The following CHTF18 variants were observed in gnomAD, a reference collection of about 807,000 sequenced individuals.
CHTF18 encodes the protein chromosome transmission fidelity factor 18, also known as chromosome transmission fidelity protein 18 homolog.
In CHTF18, 151 loss-of-function variants were observed where a neutral mutation model predicts 113.4. That is an observed-to-expected ratio of 1.33 (90% CI 1.17 to 1.52). The LOEUF is 1.52. CHTF18 is among the 40% of genes most tolerant of loss of function. The probability of loss-of-function intolerance (pLI) is 0.00; values close to 1 mark genes in which losing one functional copy is unlikely to be tolerated. For synonymous variants in CHTF18, 916 were observed against 598.8 expected, an observed-to-expected ratio of 1.53 and a Z score of -7.74; for missense variants, 1,982 against 1,381.6, an observed-to-expected ratio of 1.43 and a Z score of -6.89.
Position 792,079 on chromosome 16 carries a change from A to G in CHTF18, c.1202+131A>G. 4.6e-6 allele frequency: 7 copies of G among 1,533,496 alleles called. No individual in the cohort carries two copies. In the South Asian group the frequency reaches 8.5e-5, roughly 19 times the overall value. The allele number at this position is 1,533,496 out of a possible 1,614,324, so 95.0% of individuals were successfully genotyped here. A position where few individuals can be genotyped will look rare whatever the true frequency, so the allele number is the denominator to read the frequency against. ...GGGGGCCTGGGTGTGTGGGCCGGGA[A>G]AACGTGTCCTTCCTCGGGGTTCACG... is the stretch of plus-strand genomic sequence containing the variant. On this transcript the variant is annotated intron_variant, in intron 9 of 21. Coordinates refer to ENST00000262315, the MANE Select transcript of CHTF18 (RefSeq NM_022092.3).
In CHTF18 at chr16:797,963, G is replaced by A. The variant is rs199630930; in HGVS notation, c.2916G>A (p.Arg972=). The A allele has an allele frequency of 7.4e-6, 12 of 1,611,732 alleles. No homozygotes were observed. Among genetic ancestry groups the A allele is most frequent in the Non-Finnish European group, 1.0e-5 (12 of 1,179,318 alleles). ...SNAVRRSLYI[R]DLL ...CCGTGCGGCGCAGCCTGTACATCAG[G>A]GACTTGCTCTAGTTCTCTGAGCCGC... The change falls in exon 22 of 22, where the codon AGG becomes AGA. Residue 972 remains arginine (R), a synonymous_variant. Coordinates refer to ENST00000262315, the MANE Select transcript of CHTF18 (RefSeq NM_022092.3).
chr16:792,978 C>T lies in CHTF18; in HGVS notation c.1585C>T (p.Gln529Ter). The T allele has an allele frequency of 6.4e-7, 1 of 1,559,564 alleles. No homozygotes were observed. Among genetic ancestry groups the T allele is most frequent in the Non-Finnish European group, 8.7e-7 (1 of 1,152,460 alleles). Residue 529 changes from glutamine (Q) to a stop codon, truncating the protein, a stop_gained, in exon 13 of 22, where the codon CAG becomes TAG. Coordinates refer to ENST00000262315, the MANE Select transcript of CHTF18 (RefSeq NM_022092.3). LOFTEE classifies it high-confidence loss of function. ...VQRLQEVSLR[Q>*]GMRADPGVLA... The stretch of plus-strand genomic sequence containing the variant: ...CCTTCTCCACCAGGTCTCCCTGCGG[C>T]AGGGCATGAGGGCCGACCCAGGGGT...
intron 1 of CHTF18, 39 bp downstream of exon 1, chr16:788,814 A>G (rs2042069923): frequency 6.4e-7 from 1 of 1,566,952 alleles, no homozygotes; most frequent in Non-Finnish European, 8.6e-7. Context: ...GGAGCTGCGA[A>G]AGCCGGGACA....
In CHTF18 at chr16:792,603, G is replaced by A. The variant is rs760665037; in HGVS notation, c.1478+13G>A. 14 of 1,594,152 alleles carry A rather than the reference G, an allele frequency of 8.8e-6. No homozygotes were observed. The highest frequency in any genetic ancestry group is 1.7e-4 in the Middle Eastern group (1 of 5,992). On this transcript the variant is annotated intron_variant, in intron 11 of 21. Transcript: ENST00000262315. ...TTTGCAATGACCAGTGAGTGCATGG[G>A]CGGGCGCCACAGTCAGGAGAGGCTC...
intron 7 of CHTF18, 54 bp downstream of exon 7, chr16:790,720 A>G: frequency 6.8e-7 from 1 of 1,476,752 alleles, no homozygotes; most frequent in African/African-American, 1.4e-5. Flanking sequence ...CCCAAGATGG[A>G]AGAACCTGGG....
Position 790,533 on chromosome 16 carries a change from C to A in CHTF18, c.761C>A (p.Ser254Ter). 1.9e-6 allele frequency: 3 copies of A among 1,599,646 alleles called. No homozygotes were observed. The highest frequency in any genetic ancestry group is 2.6e-6 in the Non-Finnish European group (3 of 1,174,104). The change falls in exon 7 of 22, where the codon TCG (serine) becomes TAG (stop). Residue 254 changes from serine to a stop codon, truncating the protein, a stop_gained. Transcript: ENST00000262315. LOFTEE classifies it high-confidence loss of function. ...GACGTGGTCCTCTCCAGTCTCAGGT[C>A]GGGGGAGGAGGAGGCAGCCCAGCCC... is the stretch of plus-strand genomic sequence containing the variant. The part of the protein sequence containing the change: ...KLSDTLHSLR[S>*]GEEEAAQPLG...
At position 793,237 on chromosome 16, in the gene CHTF18, G is replaced by C. The variant is rs748026472; in HGVS notation, c.1765G>C (p.Val589Leu). 2 of 1,608,694 alleles carry C rather than the reference G, an allele frequency of 1.2e-6. No individual in the cohort carries two copies. The highest frequency in any genetic ancestry group is 4.5e-5 in the East Asian group (2 of 44,798). The change falls in exon 14 of 22, where the codon GTG becomes CTG. Residue 589 changes from valine to leucine, a missense_variant. Physicochemically the swap from Val to Leu is conservative, Grantham distance 32. Coordinates refer to ENST00000262315, the MANE Select transcript of CHTF18 (RefSeq NM_022092.3). ...GGACCAGCGCAGAGGGCTCTTCTCG[G>C]TGTGGCAGGAGGTCTTCCAGCTGCC... ...LKDQRRGLFS[V>L]WQEVFQLPRA... is the part of the protein sequence containing the mutation.
chr16:789,194 C>T lies in CHTF18; in HGVS notation c.287-16C>T, dbSNP rs764782544. 8.4e-6 allele frequency: 13 copies of T among 1,550,568 alleles called. No individual in the cohort carries two copies. The highest frequency in any genetic ancestry group is 1.0e-5 in the Non-Finnish European group (12 of 1,147,130). On this transcript the variant is annotated splice_polypyrimidine_tract_variant and intron_variant, in intron 2 of 21. Coordinates refer to ENST00000262315, the MANE Select transcript of CHTF18 (RefSeq NM_022092.3). ...GGCTGAGGAGGCCTCTGGTTCCCTG[C>T]ATGTGTCTCCCCCAGCCCCCAGGAT...
Position 796,769 on chromosome 16 carries a change from A to C in CHTF18, c.2509A>C (p.Thr837Pro), listed in dbSNP as rs773108204. Residue 837 changes from threonine (T) to proline (P), a missense_variant, in exon 19 of 22, where the codon ACC becomes CCC. Thr to Pro is a conservative substitution (Grantham distance 38). Coordinates refer to ENST00000262315, the MANE Select transcript of CHTF18 (RefSeq NM_022092.3). ...FPELPARKPL[T>P]YQTKQLIARE... ...TGAGCTGCCTGCCCGCAAGCCCCTC[A>C]CCTACCAGACGAAGCAGCTCATCGC... 6.2e-7 allele frequency: 1 copy of C among 1,609,032 alleles called. No homozygotes were observed. Among genetic ancestry groups the C allele is most frequent in the East Asian group, 2.2e-5 (1 of 44,836 alleles).
chr16:791,536 A>G, intron 8 of CHTF18, 166 bp downstream of exon 8: 1 of 1,435,248 alleles, frequency 7.0e-7, no homozygotes, highest in Non-Finnish European at 9.1e-7. Context: ...TTGCAGTAAC[A>G]ACTCGGGGGA....
chr16:796,061 A>C lies in CHTF18; in HGVS notation c.2440A>C (p.Ile814Leu), dbSNP rs1283127758. 1 of 1,604,132 alleles carries C rather than the reference A, an allele frequency of 6.2e-7. No individual in the cohort carries two copies. Among genetic ancestry groups the C allele is most frequent in the Non-Finnish European group, 8.5e-7 (1 of 1,176,286 alleles). ...GGAGCGCACGCCCGATGGCCAGTAC[A>C]TCTACAGGCTGGAGCCGTGAGTCCC... ...RQERTPDGQYIYRLEPNVEEL... is the reference protein window; with the variant it reads ...RQERTPDGQYLYRLEPNVEEL... The change falls in exon 18 of 22, where the codon ATC becomes CTC. Residue 814 changes from isoleucine to leucine, a missense_variant. By Grantham distance (5) the Ile-to-Leu change is conservative. Transcript: ENST00000262315.
At position 795,124 on chromosome 16, in the gene CHTF18, G is replaced by C. The variant is rs1596766601; in HGVS notation, c.1951-8G>C. The C allele has an allele frequency of 1.3e-6, 2 of 1,540,020 alleles. No individual in the cohort carries two copies. Among genetic ancestry groups the C allele is most frequent in the Non-Finnish European group, 1.8e-6 (2 of 1,141,638 alleles). ...GGCAGGAGCTCAGGGGTTGCCGGCC[G>C]CCTGCAGGGCTTGTTTGACAACTTC... On this transcript the variant is annotated splice_region_variant and splice_polypyrimidine_tract_variant and intron_variant, in intron 15 of 21. Coordinates refer to ENST00000262315, the MANE Select transcript of CHTF18 (RefSeq NM_022092.3).
intron 16 of CHTF18, 134 bp downstream of exon 16, chr16:795,490 GC>G: frequency 5.9e-6 from 1 of 168,328 alleles, no homozygotes; most frequent in East Asian, 1.1e-4. Context: ...CCCCGTGCCC[GC>G]CCCCCCAAAC....
Position 789,084 on chromosome 16 carries a change from A to T in CHTF18, c.245A>T (p.Gln82Leu). 6.5e-7 allele frequency: 1 copy of T among 1,533,854 alleles called. No individual in the cohort carries two copies. The change falls in exon 2 of 22, where the codon CAG becomes CTG. Residue 82 changes from glutamine to leucine, a missense_variant. By Grantham distance (113) the Gln-to-Leu change is moderately radical (BLOSUM62 -2). Transcript: ENST00000262315. ...AGCCAGGGCGGCGCCAGGAAGAGGC[A>T]GGTGGACGCCGACCTGCAGCCGGCC... ...GSSQGGARKRQVDADLQPAGS... is the reference protein window; with the variant it reads ...GSSQGGARKRLVDADLQPAGS...
In CHTF18 at chr16:796,723, G is replaced by T; in HGVS notation, c.2463G>T (p.Val821=). 6.2e-7 allele frequency: 1 copy of T among 1,600,566 alleles called. No homozygotes were observed. ...GQYIYRLEPN[V]EELCRFPELP... The stretch of plus-strand genomic sequence containing the variant: ...GTCCCCCTGTGCTGAGCAGGAACGT[G>T]GAGGAACTCTGCCGCTTCCCTGAGC... The change falls in exon 19 of 22, where the codon GTG becomes GTT. Residue 821 remains valine, a synonymous_variant. Transcript: ENST00000262315.
Position 793,124 on chromosome 16 carries a change from T to C in CHTF18, c.1672-20T>C, listed in dbSNP as rs2277896. On this transcript the variant is annotated intron_variant, in intron 13 of 21. Transcript: ENST00000262315. The stretch of plus-strand genomic sequence containing the variant: ...GGGGTCAGGAGTTGGCCGCTTCTCA[T>C]GCCCCCGCCCTATGTCTAGTTCCTG... The C allele has an allele frequency of 1.5e-3, 2,378 of 1,583,124 alleles. 33 individuals are homozygous for C. The East Asian group carries it at 0.037, about 25-fold the overall frequency.
intron 3 of CHTF18, 32 bp from the exon 4 acceptor site, chr16:789,515 G>C: frequency 1.9e-6 from 3 of 1,570,872 alleles, no homozygotes; most frequent in Non-Finnish European, 2.6e-6. Flanking sequence ...CCACGCTTGA[G>C]TTTCTGCCAC....
At position 789,656 on chromosome 16, in the gene CHTF18, A is replaced by C. The variant is rs767324348; in HGVS notation, c.547A>C (p.Thr183Pro). Residue 183 changes from threonine (T) to proline (P), a missense_variant, in exon 4 of 22, where the codon ACG becomes CCG. Physicochemically the swap from Thr to Pro is conservative, Grantham distance 38 (BLOSUM62 -1). Coordinates refer to ENST00000262315, the MANE Select transcript of CHTF18 (RefSeq NM_022092.3). Reference sequence around the variant, plus strand: ...GGAGGACTACGTCCACGTGACATCCACGGAGGGCGTCCGGGCTTATCTGGT... The same window carrying C: ...GGAGGACTACGTCCACGTGACATCCCCGGAGGGCGTCCGGGCTTATCTGGT... Reference protein sequence around the residue: ...ILEDYVHVTSTEGVRAYLVLR... With the variant: ...ILEDYVHVTSPEGVRAYLVLR... 1.1e-5 allele frequency: 18 copies of C among 1,605,078 alleles called. No homozygotes were observed. In the South Asian group the frequency reaches 1.5e-4, roughly 14 times the overall value.
In CHTF18 at chr16:795,114, G is replaced by C; in HGVS notation, c.1951-18G>C. 1 of 1,532,730 alleles carries C rather than the reference G, an allele frequency of 6.5e-7. No individual in the cohort carries two copies. Among genetic ancestry groups the C allele is most frequent in the South Asian group, 1.2e-5 (1 of 82,094 alleles). 94.9% of individuals were successfully genotyped at this position (1,532,730 alleles called of 1,614,324 possible). On this transcript the variant is annotated intron_variant, in intron 15 of 21. Transcript: ENST00000262315. ...CCCTGGGGTGGGCAGGAGCTCAGGG[G>C]TTGCCGGCCGCCTGCAGGGCTTGTT...
Sources: allele counts gnomAD v4.1 joint callset, GRCh38; gene constraint gnomAD v4.1.1; transcripts MANE v1.5; gene names NCBI Gene and HGNC (gene_info 2026-07-23, HGNC 2026-07-21).